The following UBL3 variants were observed in gnomAD, a reference collection of about 807,000 sequenced individuals.
The protein encoded by UBL3 is ubiquitin like 3, also known as ubiquitin-like protein 3.
UBL3 carries 6 observed loss-of-function variants against 18.4 expected under a neutral mutation model. The observed-to-expected ratio is 0.33, with a 90% CI of 0.18 to 0.64. The LOEUF is 0.64. UBL3 is among the 30% of genes least tolerant of loss of function. The pLI, the probability that UBL3 is intolerant of heterozygous loss-of-function variation, is 0.76. For missense variants in UBL3, 109 were observed against 142.9 expected, an observed-to-expected ratio of 0.76 and a Z score of 1.21; for synonymous variants, 49 against 46.6, an observed-to-expected ratio of 1.05 and a Z score of -0.21.
rs373619467 is a variant in UBL3, at chr13:29,836,303, AAGAG to A, written c.27+13205_27+13208del. Reference sequence around the variant, plus strand: ...CAGTTCTTAGCAACTAGAAGGATAAAAGAGAGAGAGGACTGCCAATTCTACAGCA... The same window carrying A: ...CAGTTCTTAGCAACTAGAAGGATAAAAGAGAGGACTGCCAATTCTACAGCA... On this transcript the variant is annotated intron_variant, in intron 1 of 4. Transcript: ENST00000380680. 1.3e-3 allele frequency among the ~76,000 whole-genome samples: 199 copies of A among 152,234 alleles called. No individual in the cohort carries two copies. The Middle Eastern group carries it at 0.014, about 10-fold the overall frequency.
chr13:29,788,623 T>C (rs1353326817), intron 1 of UBL3, among the ~76,000 whole-genome samples: 1 of 152,166 alleles, frequency 6.6e-6, no homozygotes, highest in Non-Finnish European at 1.5e-5. Flanking sequence ...TCTCTTAGGA[T>C]TTACACAACT....
intron 1 of UBL3, among the ~76,000 whole-genome samples, chr13:29,818,589 CAA>C (rs1878345467): frequency 6.6e-6 from 1 of 152,112 alleles, no homozygotes; most frequent in South Asian, 2.1e-4. Flanking sequence ...TCCAGCCTTT[CAA>C]AAAAGTGTTT....
At chr13:29,836,852 C>A (rs1172989472) in intron 1 of UBL3, among the ~76,000 whole-genome samples, 1 of 152,080 alleles carries the variant, frequency 6.6e-6, no homozygotes, top group African/African-American at 2.4e-5. Context: ...TCAGAAAATC[C>A]CAACAAAAAG....
intron 1 of UBL3, among the ~76,000 whole-genome samples, chr13:29,846,177 AAATAC>A (rs1405033979): frequency 6.6e-6 from 1 of 152,120 alleles, no homozygotes; most frequent in African/African-American, 2.4e-5. Context: ...ATAAATAAAT[AAATAC>A]ATCATTTAAA....
chr13:29,793,515 T>C (rs1236231753), intron 1 of UBL3, among the ~76,000 whole-genome samples: 1 of 152,228 alleles, frequency 6.6e-6, no homozygotes, highest in Non-Finnish European at 1.5e-5. Flanking sequence ...ACTATTTACT[T>C]AGCAATGTTC....
intron 1 of UBL3, among the ~76,000 whole-genome samples, chr13:29,792,422 T>A (rs893989586): frequency 6.6e-6 from 1 of 152,116 alleles, no homozygotes; most frequent in African/African-American, 2.4e-5. Flanking sequence ...AATAAATAAA[T>A]AAATAAATCA....
At chr13:29,802,131 T>A (rs931806839) in intron 1 of UBL3, among the ~76,000 whole-genome samples, 1 of 152,228 alleles carries the variant, frequency 6.6e-6, no homozygotes, top group Non-Finnish European at 1.5e-5. Context: ...ACAGCCTACC[T>A]ACTAGCCATT....
At chr13:29,768,736 G>A (rs553564947) in intron 3 of UBL3, among the ~76,000 whole-genome samples, 26 of 152,140 alleles carry the variant, frequency 1.7e-4, no homozygotes, top group Admixed American at 9.2e-4. Flanking sequence ...AATGAAGCAC[G>A]ATGGCCCATA....
At chr13:29,819,159 TTCTC>T (rs1384293319) in intron 1 of UBL3, among the ~76,000 whole-genome samples, 1 of 152,234 alleles carries the variant, frequency 6.6e-6, no homozygotes, top group African/African-American at 2.4e-5. Flanking sequence ...TATTATAATA[TTCTC>T]TCTACTTCTG....
At chr13:29,807,921 T>G (rs577974981) in intron 1 of UBL3, among the ~76,000 whole-genome samples, 420 of 152,334 alleles carry the variant, frequency 2.8e-3, no homozygotes, top group African/African-American at 9.8e-3. Flanking sequence ...AAAAGAATTG[T>G]CTATTGCTAC....
intron 3 of UBL3, 29 bp downstream of exon 3, chr13:29,772,083 T>A (rs1290227414): frequency 1.3e-6 from 2 of 1,574,530 alleles, no homozygotes; most frequent in African/African-American, 2.7e-5. Context: ...GAGACAGACA[T>A]TAAATCCCAT....
chr13:29,810,062 T>C lies in UBL3; in HGVS notation c.28-32799A>G, dbSNP rs190855630. Among the ~76,000 whole-genome samples, 803 of 152,240 alleles carry C rather than the reference T, an allele frequency of 5.3e-3. 26 individuals carry two copies. The highest frequency in any genetic ancestry group is 0.047 in the Admixed American group (725 of 15,264). On this transcript the variant is annotated intron_variant, in intron 1 of 4. Transcript: ENST00000380680. ...GAACCTATGAATATGAAAGGCCCACTGTATATTTTAGGAGTAAAAAATACA... is the reference window on the plus strand; with the variant it reads ...GAACCTATGAATATGAAAGGCCCACCGTATATTTTAGGAGTAAAAAATACA...
intron 1 of UBL3, among the ~76,000 whole-genome samples, chr13:29,790,685 C>G (rs1321389024): frequency 6.6e-6 from 1 of 152,154 alleles, no homozygotes; most frequent in Non-Finnish European, 1.5e-5. Flanking sequence ...GCACAGAATT[C>G]TTGCAGTGAA....
chr13:29,807,757 G>C (rs1877932305), intron 1 of UBL3, among the ~76,000 whole-genome samples: 1 of 152,066 alleles, frequency 6.6e-6, no homozygotes, highest in African/African-American at 2.4e-5. Context: ...TTCTGAAAAA[G>C]AGAAGGAAAA....
At chr13:29,828,723 C>G (rs1878689769) in intron 1 of UBL3, among the ~76,000 whole-genome samples, 1 of 152,352 alleles carries the variant, frequency 6.6e-6, no homozygotes. Context: ...TGGCGAGGAG[C>G]TGCATTGTTT....
intron 1 of UBL3, among the ~76,000 whole-genome samples, chr13:29,807,064 T>C (rs979421551): frequency 6.6e-6 from 1 of 152,176 alleles, no homozygotes; most frequent in African/African-American, 2.4e-5. Flanking sequence ...CAAAAAGGAA[T>C]TGGTAAGAAT....
At chr13:29,814,509 T>C (rs1433418557) in intron 1 of UBL3, among the ~76,000 whole-genome samples, 2 of 152,062 alleles carry the variant, frequency 1.3e-5, no homozygotes, top group Non-Finnish European at 2.9e-5. Context: ...ATTTTGTACA[T>C]GAGTAAAGAG....
At chr13:29,784,079 T>C (rs1000956279) in intron 1 of UBL3, among the ~76,000 whole-genome samples, 1 of 152,250 alleles carries the variant, frequency 6.6e-6, no homozygotes, top group African/African-American at 2.4e-5. Flanking sequence ...CAACAAGAAC[T>C]CTTCAATGCA....
intron 1 of UBL3, among the ~76,000 whole-genome samples, chr13:29,824,152 G>C (rs1878553983): frequency 6.6e-6 from 1 of 152,134 alleles, no homozygotes; most frequent in Non-Finnish European, 1.5e-5. Flanking sequence ...ATTGTGAATA[G>C]TGCTGCAATG....
Sources: allele counts gnomAD v4.1 joint callset (sites outside exome capture counted in the v4.1 genomes callset), GRCh38; gene constraint gnomAD v4.1.1; transcripts MANE v1.5; gene names NCBI Gene and HGNC (gene_info 2026-07-23, HGNC 2026-07-21).